Variants in COP1 observed in about 807,000 individuals in gnomAD.
COP1 encodes COP1 E3 ubiquitin ligase, also known as E3 ubiquitin-protein ligase COP1.
In COP1, 24 loss-of-function variants were observed where a neutral mutation model predicts 101.3. The observed-to-expected ratio is 0.24, with a 90% CI of 0.17 to 0.33. COP1 has a LOEUF of 0.33. COP1 is among the 10% of genes least tolerant of loss of function. The pLI, the probability that COP1 is intolerant of heterozygous loss-of-function variation, is 1.00. For synonymous variants in COP1, 347 were observed against 341.9 expected, an observed-to-expected ratio of 1.01 and a Z score of -0.17; for missense variants, 663 against 906.2, an observed-to-expected ratio of 0.73 and a Z score of 3.45.
intron 5 of COP1, among the ~76,000 whole-genome samples, chr1:176,151,459 A>G (rs892936403): frequency 2.0e-5 from 3 of 152,206 alleles, no homozygotes; most frequent in Non-Finnish European, 2.9e-5. Context: ...AGTACTCTAC[A>G]ATACAGCAAG....
intron 9 of COP1, among the ~76,000 whole-genome samples, chr1:176,113,759 A>C (rs1043746410): frequency 6.6e-6 from 1 of 152,146 alleles, no homozygotes; most frequent in Non-Finnish European, 1.5e-5. Flanking sequence ...GCACTTGTTA[A>C]ATAATTTGTG....
At chr1:176,103,999 T>C (rs182064463) in intron 9 of COP1, among the ~76,000 whole-genome samples, 162 of 152,086 alleles carry the variant, frequency 1.1e-3, no homozygotes, top group Middle Eastern at 6.8e-3. Context: ...GAAGCTAAGA[T>C]AGGGGAAGAA....
intron 1 of COP1, among the ~76,000 whole-genome samples, chr1:176,196,872 G>T (rs1699750605): frequency 7.1e-6 from 1 of 140,186 alleles, no homozygotes; most frequent in Admixed American, 7.2e-5. Context: ...TGAGACTCCT[G>T]TCTCTACGCA....
intron 18 of COP1, among the ~76,000 whole-genome samples, chr1:175,977,220 T>C (rs1299177109): frequency 1.3e-5 from 2 of 152,216 alleles, no homozygotes; most frequent in Non-Finnish European, 2.9e-5. Context: ...TATTTAATTC[T>C]CTACAATGTG....
chr1:176,033,381 C>G (rs1008858485), intron 14 of COP1, among the ~76,000 whole-genome samples: 1 of 152,004 alleles, frequency 6.6e-6, no homozygotes, highest in African/African-American at 2.4e-5. Flanking sequence ...GAGCTGAGAT[C>G]GTGCCATTGC....
chr1:176,040,149 A>C (rs141149413), intron 14 of COP1, among the ~76,000 whole-genome samples: 120 of 152,264 alleles, frequency 7.9e-4, no homozygotes, highest in African/African-American at 2.8e-3. Flanking sequence ...ACTATAAAAA[A>C]ACTAAAATAA....
At chr1:176,186,570 A>G (rs1211278633) in intron 1 of COP1, among the ~76,000 whole-genome samples, 1 of 152,160 alleles carries the variant, frequency 6.6e-6, no homozygotes, top group Non-Finnish European at 1.5e-5. Flanking sequence ...AGGGCACCTC[A>G]AAGAACTAAG....
intron 8 of COP1, among the ~76,000 whole-genome samples, chr1:176,124,279 TTTAAG>T (rs1254879353): frequency 6.6e-6 from 1 of 152,148 alleles, no homozygotes; most frequent in Non-Finnish European, 1.5e-5. Context: ...AATTATACTT[TTTAAG>T]TTATTTTTAA....
chr1:175,971,077 C>T (rs1156504749), intron 18 of COP1, among the ~76,000 whole-genome samples: 3 of 152,150 alleles, frequency 2.0e-5, no homozygotes, highest in African/African-American at 7.2e-5. Flanking sequence ...GAAAGCATTA[C>T]TGCTATTTGA....
chr1:176,165,119 C>G (rs920699087), intron 3 of COP1, among the ~76,000 whole-genome samples: 1 of 152,110 alleles, frequency 6.6e-6, no homozygotes, highest in African/African-American at 2.4e-5. Context: ...TCCAAGGTCT[C>G]AAGCAACTCA....
At chr1:176,150,932 AT>A (rs1269551101) in intron 5 of COP1, among the ~76,000 whole-genome samples, 1 of 152,184 alleles carries the variant, frequency 6.6e-6, no homozygotes, top group Non-Finnish European at 1.5e-5. Flanking sequence ...TGAAACTACA[AT>A]TTCACATATA....
chr1:175,978,218 T>C (rs1655018532), intron 18 of COP1, among the ~76,000 whole-genome samples: 1 of 152,134 alleles, frequency 6.6e-6, no homozygotes, highest in East Asian at 1.9e-4. Flanking sequence ...CACAGAACAC[T>C]CTTTTTAAAA....
intron 9 of COP1, among the ~76,000 whole-genome samples, chr1:176,096,339 A>G (rs773151832): frequency 1.2e-4 from 18 of 151,468 alleles, no homozygotes; most frequent in Non-Finnish European, 2.2e-4. Context: ...CACCCACTTA[A>G]ATGGCCACAG....
At chr1:176,063,763 G>A (rs1413154183) in intron 11 of COP1, among the ~76,000 whole-genome samples, 1 of 152,140 alleles carries the variant, frequency 6.6e-6, no homozygotes, top group Non-Finnish European at 1.5e-5. Flanking sequence ...ATAAATAATT[G>A]TAAAAATACA....
intron 9 of COP1, among the ~76,000 whole-genome samples, 177 bp downstream of exon 9, chr1:176,116,447 C>G (rs1220331789): frequency 1.3e-5 from 2 of 152,164 alleles, no homozygotes. Flanking sequence ...ATTGAAAAAG[C>G]AAATATTAAT....
chr1:176,070,353 C>CT (rs1264862277), intron 11 of COP1, among the ~76,000 whole-genome samples: 57 of 131,676 alleles, frequency 4.3e-4, no homozygotes, highest in Middle Eastern at 3.8e-3. Flanking sequence ...TTTTTTTTAA[C>CT]TTTTTTTTTT....
intron 15 of COP1, among the ~76,000 whole-genome samples, chr1:175,992,418 G>A (rs753806949): frequency 9.2e-5 from 14 of 152,342 alleles, no homozygotes; most frequent in African/African-American, 2.6e-4. Context: ...GCAGCGCACC[G>A]TGCGCGAGCC....
At chr1:176,198,814 T>C (rs971761305) in intron 1 of COP1, among the ~76,000 whole-genome samples, 5 of 152,000 alleles carry the variant, frequency 3.3e-5, no homozygotes, top group Non-Finnish European at 7.4e-5. Flanking sequence ...AAAACAGACA[T>C]TTCACAAAAG....
chr1:175,999,705 G>T lies in COP1; in HGVS notation c.1730-10226C>A, dbSNP rs965911042. 2.6e-5 allele frequency among the ~76,000 whole-genome samples: 4 copies of T among 152,030 alleles called. No individual in the cohort carries two copies. The East Asian group carries it at 5.8e-4, about 22-fold the overall frequency. On this transcript the variant is annotated intron_variant, in intron 15 of 19. Coordinates refer to ENST00000367669, the MANE Select transcript of COP1 (RefSeq NM_022457.7). ...CTCCAAACCAATCTTCATAGTGGTT[G>T]TACCAATTTACATTCCCACCACCAC...
Sources: allele counts gnomAD v4.1 joint callset (sites outside exome capture counted in the v4.1 genomes callset), GRCh38; gene constraint gnomAD v4.1.1; transcripts MANE v1.5; gene names NCBI Gene and HGNC (gene_info 2026-07-23, HGNC 2026-07-21).